The following SH3RF1 variants were observed in gnomAD, a reference collection of about 807,000 sequenced individuals.
SH3RF1 encodes SH3 domain containing ring finger 1.
In SH3RF1, 32 loss-of-function variants were observed where a neutral mutation model predicts 74.0. That is an observed-to-expected ratio of 0.43 (90% CI 0.33 to 0.58). The LOEUF is 0.58. Among genes scored for constraint, SH3RF1 ranks in the 20% least tolerant of loss-of-function variants. SH3RF1 has a pLI of 0.05. For synonymous variants in SH3RF1, 396 were observed against 439.6 expected (o/e 0.90, Z 1.24); for missense variants, 954 against 1,130.9 (o/e 0.84, Z 2.24).
chr4:169,213,301 TG>T (rs1380188301), intron 2 of SH3RF1, among the ~76,000 whole-genome samples: 1 of 152,248 alleles, frequency 6.6e-6, no homozygotes, highest in Non-Finnish European at 1.5e-5. Flanking sequence ...TCTTTTCATA[TG>T]CCATATGTAT....
chr4:169,173,281 T>C lies in SH3RF1; in HGVS notation c.394-16602A>G, dbSNP rs151253459. On this transcript the variant is annotated intron_variant, in intron 2 of 11. Transcript: ENST00000284637. Reference sequence around the variant, plus strand: ...ACTCCTACTTGCTCCTGACCATTCCTGATTAAGATATTCAGTTGCACCAAA... The same window carrying C: ...ACTCCTACTTGCTCCTGACCATTCCCGATTAAGATATTCAGTTGCACCAAA... Among the ~76,000 whole-genome samples, 428 of 152,268 alleles carry C rather than the reference T, an allele frequency of 2.8e-3. 3 individuals are homozygous for C. The highest frequency in any genetic ancestry group is 9.8e-3 in the African/African-American group (406 of 41,548).
chr4:169,167,342 A>G (rs968155130), intron 2 of SH3RF1, among the ~76,000 whole-genome samples: 3 of 152,220 alleles, frequency 2.0e-5, no homozygotes, highest in Non-Finnish European at 4.4e-5. Context: ...AATGTGGAGC[A>G]ACTAGAATTT....
At chr4:169,263,072 C>T (rs1561068013) in intron 2 of SH3RF1, among the ~76,000 whole-genome samples, 1 of 152,188 alleles carries the variant, frequency 6.6e-6, no homozygotes, top group African/African-American at 2.4e-5. Flanking sequence ...ATCCAAACCA[C>T]CACATTAAAT....
chr4:169,269,070 C>G lies in SH3RF1; in HGVS notation c.143G>C (p.Arg48Thr). ...LGIVGSRNEL[R>T]CPECRTLVGS... Reference sequence around the variant, plus strand: ...AACAAGAGTCCTGCACTCGGGACATCTGAGTTCATTTCGAGAACCTACGAT... The same window carrying G: ...AACAAGAGTCCTGCACTCGGGACATGTGAGTTCATTTCGAGAACCTACGAT... Residue 48 changes from arginine to threonine, a missense_variant, in exon 2 of 12, where the codon AGA becomes ACA. Arg to Thr is a moderately conservative substitution (Grantham distance 71). Transcript: ENST00000284637. The G allele has an allele frequency of 6.2e-7, 1 of 1,614,194 alleles. No individual in the cohort carries two copies. The highest frequency in any genetic ancestry group is 1.3e-5 in the African/African-American group (1 of 75,052).
intron 2 of SH3RF1, among the ~76,000 whole-genome samples, chr4:169,157,727 C>T (rs1036622526): frequency 6.6e-6 from 1 of 151,016 alleles, no homozygotes; most frequent in African/African-American, 2.4e-5. Flanking sequence ...AAACATTTAT[C>T]AAGCTTTTAC....
chr4:169,268,906 T>C lies in SH3RF1; in HGVS notation c.307A>G (p.Thr103Ala). The change falls in exon 2 of 12, where the codon ACT (threonine) becomes GCT (alanine). Residue 103 changes from threonine (T) to alanine (A), a missense_variant. Thr to Ala is a moderately conservative substitution (Grantham distance 58, BLOSUM62 0). Coordinates refer to ENST00000284637, the MANE Select transcript of SH3RF1 (RefSeq NM_020870.4). ...CTNALRSQSS[T>A]VANCSSKDLQ... is the part of the protein sequence containing the mutation. ...TCTTTTGAGCTACAATTAGCCACAG[T>C]GCTGCTCTGAGACCTTAATGCATTT... The C allele has an allele frequency of 6.2e-7, 1 of 1,613,838 alleles. No individual in the cohort carries two copies.
At chr4:169,190,374 A>G (rs564554303) in intron 2 of SH3RF1, among the ~76,000 whole-genome samples, 1 of 152,290 alleles carries the variant, frequency 6.6e-6, no homozygotes, top group South Asian at 2.1e-4. Flanking sequence ...GCTCAATAAG[A>G]AACAAAACGA....
At chr4:169,214,451 A>G (rs1365355846) in intron 2 of SH3RF1, among the ~76,000 whole-genome samples, 2 of 152,222 alleles carry the variant, frequency 1.3e-5, no homozygotes, top group Non-Finnish European at 2.9e-5. Context: ...AAAATGGACT[A>G]AAACATCCAC....
At chr4:169,154,950 T>C (rs763511656) in intron 4 of SH3RF1, among the ~76,000 whole-genome samples, 1 of 152,160 alleles carries the variant, frequency 6.6e-6, no homozygotes, top group Non-Finnish European at 1.5e-5. Context: ...GGCCACAAGC[T>C]TTCCAAGCAA....
intron 2 of SH3RF1, among the ~76,000 whole-genome samples, chr4:169,164,704 G>A (rs543476290): frequency 3.9e-5 from 6 of 152,312 alleles, no homozygotes; most frequent in East Asian, 1.9e-4. Context: ...AACATAGTCC[G>A]TTCTGGAAGT....
At chr4:169,175,087 G>T (rs1458580238) in intron 2 of SH3RF1, among the ~76,000 whole-genome samples, 1 of 152,092 alleles carries the variant, frequency 6.6e-6, no homozygotes, top group Non-Finnish European at 1.5e-5. Context: ...CAAAAGACTG[G>T]GCTTCACCAT....
chr4:169,206,886 G>C (rs952850768), intron 2 of SH3RF1, among the ~76,000 whole-genome samples: 3 of 152,176 alleles, frequency 2.0e-5, no homozygotes, highest in Non-Finnish European at 4.4e-5. Context: ...TGTAATTCTA[G>C]CACTTTGGGA....
intron 4 of SH3RF1, among the ~76,000 whole-genome samples, chr4:169,153,238 T>C (rs1734001542): frequency 6.6e-6 from 1 of 152,162 alleles, no homozygotes; most frequent in South Asian, 2.1e-4. Context: ...GCATAAGACA[T>C]AGTGGTGTCA....
intron 11 of SH3RF1, among the ~76,000 whole-genome samples, chr4:169,097,359 C>T (rs1374868360): frequency 6.6e-6 from 1 of 152,198 alleles, no homozygotes; most frequent in Admixed American, 6.5e-5. Context: ...TTCAATCCAA[C>T]ATTACCAGTA....
intron 11 of SH3RF1, among the ~76,000 whole-genome samples, chr4:169,102,431 TAGGTATGTGGTTCTC>T (rs1222103710): frequency 3.3e-5 from 5 of 152,080 alleles, no homozygotes; most frequent in Non-Finnish European, 7.4e-5. Flanking sequence ...GATGAGCTTA[TAGGTATGTGGTTCTC>T]AGTTTAATTC....
intron 2 of SH3RF1, among the ~76,000 whole-genome samples, chr4:169,200,394 T>TA (rs1441716798): frequency 2.0e-5 from 3 of 152,100 alleles, no homozygotes; most frequent in Non-Finnish European, 4.4e-5. Flanking sequence ...GCAATTAAGT[T>TA]AAAAATCAAT....
intron 2 of SH3RF1, among the ~76,000 whole-genome samples, chr4:169,190,609 C>T (rs1481345306): frequency 6.6e-6 from 1 of 151,128 alleles, no homozygotes; most frequent in Non-Finnish European, 1.5e-5. Context: ...AAGTCCAGTA[C>T]CAGATGGATT....
chr4:169,196,170 A>AT (rs1310670855), intron 2 of SH3RF1, among the ~76,000 whole-genome samples: 3 of 151,848 alleles, frequency 2.0e-5, no homozygotes, highest in African/African-American at 4.8e-5. Flanking sequence ...GCTTTAATGT[A>AT]TTTTTTTCTA....
chr4:169,202,659 T>C (rs1382913186), intron 2 of SH3RF1, among the ~76,000 whole-genome samples: 1 of 152,244 alleles, frequency 6.6e-6, no homozygotes, highest in Non-Finnish European at 1.5e-5. Flanking sequence ...ATTCCAAGCC[T>C]GCCTCCCTAT....
Sources: allele counts gnomAD v4.1 joint callset (sites outside exome capture counted in the v4.1 genomes callset), GRCh38; gene constraint gnomAD v4.1.1; transcripts MANE v1.5; gene names NCBI Gene and HGNC (gene_info 2026-07-23, HGNC 2026-07-21).